EVI2A: variants seen among roughly 807,000 people sequenced by gnomAD.
EVI2A encodes ecotropic viral integration site 2A.
A neutral mutation model predicts 13.0 loss-of-function variants in EVI2A; 11 were observed. The ratio of observed to expected loss-of-function variants is 0.85; its 90% CI spans 0.53 to 1.40. The LOEUF is 1.40. EVI2A is among the 40% of genes most tolerant of loss of function. The pLI, the probability that EVI2A is intolerant of heterozygous loss-of-function variation, is 0.00. For missense variants in EVI2A, 267 were observed against 279.5 expected (o/e 0.96, Z 0.32); for synonymous variants, 89 against 98.0 (o/e 0.91, Z 0.54).
intron 1 of EVI2A, chr17:31,320,486 T>G (rs1597822992): frequency 6.8e-7 from 1 of 1,479,314 alleles, no homozygotes. Flanking sequence ...GAAATGGTTG[T>G]TATATGTCAT....
chr17:31,319,754 A>AG (rs1555626912), intron 1 of EVI2A, among the ~76,000 whole-genome samples: 1 of 107,408 alleles, frequency 9.3e-6, no homozygotes, highest in South Asian at 3.5e-4. Flanking sequence ...AAAAATCTGA[A>AG]GAAAAAAAAA....
At chr17:31,320,401 CT>C in intron 1 of EVI2A, 1 of 1,608,432 alleles carries the variant, frequency 6.2e-7, no homozygotes. Flanking sequence ...GCCTGAAAGT[CT>C]TTGTTTCCAA....
At chr17:31,319,805 A>G (rs2069133180) in intron 1 of EVI2A, among the ~76,000 whole-genome samples, 2 of 151,960 alleles carry the variant, frequency 1.3e-5, no homozygotes, top group African/African-American at 4.8e-5. Flanking sequence ...TAAAAGTTCA[A>G]CAAAAGTTGC....
chr17:31,321,093 C>T (rs1165892836), intron 1 of EVI2A: 1 of 152,118 alleles, frequency 6.6e-6, no homozygotes, highest in South Asian at 2.1e-4. Flanking sequence ...TGTTTTTACT[C>T]CAGTTTATGC....
At chr17:31,320,351 A>G (rs1408156231) in intron 1 of EVI2A, 2 of 1,539,032 alleles carry the variant, frequency 1.3e-6, no homozygotes, top group Non-Finnish European at 1.7e-6. Context: ...TTTAAAAAAA[A>G]AAAAAAAAGG....
intron 1 of EVI2A, chr17:31,321,037 A>G (rs908162451): frequency 6.6e-6 from 1 of 152,214 alleles, no homozygotes; most frequent in Non-Finnish European, 1.5e-5. Context: ...CTGTATGACA[A>G]AATGAGACTT....
At chr17:31,321,102 G>A (rs1038265910) in intron 1 of EVI2A, 3 of 152,294 alleles carry the variant, frequency 2.0e-5, no homozygotes, top group Middle Eastern at 3.4e-3. Flanking sequence ...TCCAGTTTAT[G>A]CCTTGGAGGC....
chr17:31,320,357 AAAG>A, intron 1 of EVI2A: 2 of 1,554,054 alleles, frequency 1.3e-6, no homozygotes, highest in East Asian at 2.3e-5. Context: ...AAAAAAAAAA[AAAG>A]GCAGATTCTT....
rs1012311290 is a variant in EVI2A, at chr17:31,318,275, T to C, written c.*28A>G. ...GACTTCATTTTTACTCCATAAGCCTTCTCATTGCTACTTTGCATTTTTCTT... is the reference window on the plus strand; with the variant it reads ...GACTTCATTTTTACTCCATAAGCCTCCTCATTGCTACTTTGCATTTTTCTT... On this transcript the variant is annotated 3_prime_UTR_variant, in exon 2 of 2. Transcript: ENST00000462804. The C allele has an allele frequency of 1.5e-5, 23 of 1,573,944 alleles. No individual in the cohort carries two copies. Among genetic ancestry groups the C allele is most frequent in the Non-Finnish European group, 1.8e-5 (21 of 1,164,216 alleles).
chr17:31,317,403 A>ACACC lies in EVI2A; in HGVS notation c.*899_*900insGGTG, dbSNP rs571315603. On this transcript the variant is annotated 3_prime_UTR_variant, in exon 2 of 2. Transcript: ENST00000462804. ...CACACACACACACACACACACACAC[A>ACACC]CCCCTAATAAATCATTAGGCTACTT... Among the ~76,000 whole-genome samples the ACACC allele has an allele frequency of 1.6e-3, 236 of 147,278 alleles. 2 individuals are homozygous for ACACC. Among genetic ancestry groups the ACACC allele is most frequent in the African/African-American group, 5.4e-3 (208 of 38,630 alleles).
At position 31,318,426 on chromosome 17, in the gene EVI2A, C is replaced by T. The variant is rs2069083776; in HGVS notation, c.588G>A (p.Trp196Ter). The change falls in exon 2 of 2, where the codon TGG becomes TGA. Residue 196 changes from tryptophan (W) to a stop codon, truncating the protein, a stop_gained. Transcript: ENST00000462804. LOFTEE classifies it high-confidence loss of function. ...SGLWPAESDT[W>*]KRTKQLTGPN... ...GTCCTGTGAGCTGTTTTGTTCTTTT[C>T]CAAGTGTCTGATTCAGCGGGCCATA... The T allele has an allele frequency of 6.2e-7, 1 of 1,613,790 alleles. No individual in the cohort carries two copies. Among genetic ancestry groups the T allele is most frequent in the African/African-American group, 1.3e-5 (1 of 74,870 alleles).
Position 31,317,368 on chromosome 17 carries a change from AACACACACACAC to A in EVI2A, c.*923_*934del, listed in dbSNP as rs3138611. Reference sequence around the variant, plus strand: ...TGAAGTATGCAGTTTTCCAGATTTGAACACACACACACACACACACACACACACACACACACC... The same window carrying A: ...TGAAGTATGCAGTTTTCCAGATTTGAACACACACACACACACACACACACC... On this transcript the variant is annotated 3_prime_UTR_variant, in exon 2 of 2. Transcript: ENST00000462804. 2.1e-5 allele frequency among the ~76,000 whole-genome samples: 3 copies of A among 144,562 alleles called. No individual in the cohort carries two copies. The allele number at this position is 144,562 out of a possible 152,430, so 94.8% of individuals were successfully genotyped here.
At position 31,317,788 on chromosome 17, in the gene EVI2A, G is replaced by A. The variant is rs9913669; in HGVS notation, c.*515C>T. 1 of 152,402 alleles carries A rather than the reference G, an allele frequency of 6.6e-6. No individual in the cohort carries two copies. The highest frequency in any genetic ancestry group is 1.5e-5 in the Non-Finnish European group (1 of 68,230). The allele number at this position is 152,402 out of a possible 1,614,324, so 9.4% of individuals were successfully genotyped here. A position where few individuals can be genotyped will look rare whatever the true frequency, so the allele number is the denominator to read the frequency against. ...AGATAAAGGATCTATTCTAAAATTA[G>A]CTGTGTTGGTTGATAAGCTGGTGTG... On this transcript the variant is annotated 3_prime_UTR_variant, in exon 2 of 2. Transcript: ENST00000462804.
At chr17:31,320,346 A>AC (rs755416593) in intron 1 of EVI2A, 17 of 1,435,452 alleles carry the variant, frequency 1.2e-5, no homozygotes, top group Non-Finnish European at 1.5e-5. Flanking sequence ...TTTTATTTAA[A>AC]AAAAAAAAAA....
chr17:31,321,396 G>A (rs961182309), intron 1 of EVI2A, 99 bp downstream of exon 1: 1 of 152,110 alleles, frequency 6.6e-6, no homozygotes, highest in Non-Finnish European at 1.5e-5. Flanking sequence ...TAGTTTGTTA[G>A]TGAGATTCTT....
At chr17:31,320,508 T>A in intron 1 of EVI2A, 1 of 1,271,694 alleles carries the variant, frequency 7.9e-7, no homozygotes, top group Non-Finnish European at 1.1e-6. Flanking sequence ...GGCTGACATT[T>A]GTATACTATT....
At position 31,317,739 on chromosome 17, in the gene EVI2A, CT is replaced by C. The variant is rs1250619328; in HGVS notation, c.*563del. On this transcript the variant is annotated 3_prime_UTR_variant, in exon 2 of 2. Transcript: ENST00000462804. ...ATTTAATATTAATAGTAGAAAAACA[CT>C]TTCTTACGTGTGCCATATGGAAAGA... is the stretch of plus-strand genomic sequence containing the variant. 5.3e-5 allele frequency: 8 copies of C among 152,114 alleles called. No individual in the cohort carries two copies. The highest frequency in any genetic ancestry group is 1.9e-4 in the African/African-American group (8 of 41,420). 9.4% of individuals were successfully genotyped at this position (152,114 alleles called of 1,614,324 possible). A position where few individuals can be genotyped will look rare whatever the true frequency, so the allele number is the denominator to read the frequency against.
rs1163821825 is a variant in EVI2A, at chr17:31,317,007, G to A, written c.*1296C>T. ...AAGGAAGACATGGGAATTAGGCATT[G>A]GTGTTTTTTAAAAACTCTTCAGGTG... On this transcript the variant is annotated 3_prime_UTR_variant, in exon 2 of 2. Transcript: ENST00000462804. Among the ~76,000 whole-genome samples, 1 of 152,084 alleles carries A rather than the reference G, an allele frequency of 6.6e-6. No homozygotes were observed. Among genetic ancestry groups the A allele is most frequent in the African/African-American group, 2.4e-5 (1 of 41,396 alleles).
rs772830512 is a variant in EVI2A at position 31,318,783 on chromosome 17, C to A, written c.231G>T (p.Met77Ile). The change falls in exon 2 of 2, where the codon ATG becomes ATT. Residue 77 changes from methionine (M) to isoleucine (I), a missense_variant. Transcript: ENST00000462804. Reference sequence around the variant, plus strand: ...AAGCTACGATGTGAGATGTTTCAGGCATGTTTGTAGAATTACCTTTATAAT... The same window carrying A: ...AAGCTACGATGTGAGATGTTTCAGGAATGTTTGTAGAATTACCTTTATAAT... Reference protein sequence around the residue: ...EVDYKGNSTNMPETSHIVALT... With the variant: ...EVDYKGNSTNIPETSHIVALT... The A allele has an allele frequency of 6.2e-7, 1 of 1,613,938 alleles. No homozygotes were observed. Among genetic ancestry groups the A allele is most frequent in the South Asian group, 1.1e-5 (1 of 91,074 alleles).
Sources: allele counts gnomAD v4.1 joint callset (sites outside exome capture counted in the v4.1 genomes callset), GRCh38; gene constraint gnomAD v4.1.1; transcripts MANE v1.5; gene names NCBI Gene and HGNC (gene_info 2026-07-23, HGNC 2026-07-21).